MYBPC2: variants seen among roughly 807,000 people sequenced by gnomAD.
The protein encoded by MYBPC2 is myosin binding protein C2.
Under a neutral mutation model 137.0 loss-of-function variants are expected in MYBPC2, and 122 were observed. The ratio of observed to expected loss-of-function variants is 0.89; its 90% CI spans 0.77 to 1.03. MYBPC2 has a LOEUF of 1.03. Ranked by LOEUF, MYBPC2 falls within the 50% of genes least tolerant of loss-of-function variation. MYBPC2 has a pLI of 0.00. For synonymous variants in MYBPC2, 626 were observed against 612.3 expected (o/e 1.02, Z -0.33); for missense variants, 1,500 against 1,534.4 (o/e 0.98, Z 0.37).
Position 50,459,309 on chromosome 19 carries a change from G to A in MYBPC2, c.2791+3G>A, listed in dbSNP as rs187079136. ...CACCATCCGCATCCGCGTTGTGGGT[G>A]CGCGCGCTGGGGAGGGCCCCTGGAG... On this transcript the variant is annotated splice_donor_region_variant and intron_variant, in intron 23 of 27. Transcript: ENST00000357701. 1.6e-5 allele frequency: 25 copies of A among 1,594,900 alleles called. No homozygotes were observed. In the African/African-American group the frequency reaches 2.8e-4, roughly 18 times the overall value.
intron 16 of MYBPC2, among the ~76,000 whole-genome samples, chr19:50,452,508 GTATC>G (rs59342187): frequency 3.8e-3 from 434 of 114,740 alleles, no homozygotes; most frequent in South Asian, 8.1e-3. Context: ...ATGTATGTAT[GTATC>G]TATCTATCTA....
rs747060318 is a variant in MYBPC2, at chr19:50,448,301, G to A, written c.1383G>A (p.Glu461=). 6.8e-6 allele frequency: 11 copies of A among 1,613,906 alleles called. No homozygotes were observed. Among genetic ancestry groups the A allele is most frequent in the Non-Finnish European group, 9.3e-6 (11 of 1,179,820 alleles). The change falls in exon 13 of 28, where the codon GAG becomes GAA. Residue 461 remains glutamate (E), a synonymous_variant. Transcript: ENST00000357701. ...CAGAACAAGCTGTGTTCAAGTGCGA[G>A]GTGTCTGATGAGAAAGTGACGGGCA... The part of the protein sequence containing the change: ...KASEQAVFKC[E]VSDEKVTGKW...
chr19:50,445,683 G>A (rs921369686), intron 11 of MYBPC2, among the ~76,000 whole-genome samples, 197 bp from the exon 12 acceptor site: 8 of 152,064 alleles, frequency 5.3e-5, no homozygotes, highest in East Asian at 1.9e-4. Flanking sequence ...ATGAGCCAGC[G>A]TGCCTGGCCC....
chr19:50,444,606 C>T (rs964249830), intron 11 of MYBPC2, among the ~76,000 whole-genome samples: 4 of 152,076 alleles, frequency 2.6e-5, no homozygotes, highest in African/African-American at 4.8e-5. Context: ...CATGGCCGGG[C>T]GCGGTGGCTC....
Position 50,454,034 on chromosome 19 carries a change from C to T in MYBPC2, c.1764C>T (p.Thr588=), listed in dbSNP as rs200073552. The T allele has an allele frequency of 8.1e-4, 1,306 of 1,602,898 alleles. 3 individuals carry two copies. The African/African-American group carries it at 0.011, about 14-fold the overall frequency. Residue 588 remains threonine, a synonymous_variant, in exon 17 of 28, where the codon ACC becomes ACT. Transcript: ENST00000357701. The stretch of plus-strand genomic sequence containing the variant: ...GCTGCGTTCAGGTATTCACGACCAC[C>T]GAGGGCAGGACCCGCATCGAGAAGC... ...WLKGDEVFTT[T]EGRTRIEKRV...
At position 50,457,372 on chromosome 19, in the gene MYBPC2, C is replaced by T. The variant is rs182199901; in HGVS notation, c.2339-1215C>T. Among the ~76,000 whole-genome samples the T allele has an allele frequency of 8.5e-5, 13 of 152,318 alleles. No homozygotes were observed. In the East Asian group the frequency reaches 2.3e-3, roughly 27 times the overall value. ...CCAGCCCATGGCCATAAACCCAAGA[C>T]AGAAGGGCATGTAACGAAAAGCAGG... is the stretch of plus-strand genomic sequence containing the variant. On this transcript the variant is annotated intron_variant, in intron 20 of 27. Coordinates refer to ENST00000357701, the MANE Select transcript of MYBPC2 (RefSeq NM_004533.4).
Position 50,461,986 on chromosome 19 carries a change from G to A in MYBPC2, c.3178G>A (p.Val1060Met), listed in dbSNP as rs757748294. ...FLTPLIDRVV[V>M]AGYSAALNCA... ...GACACCTCTCATAGACCGCGTGGTC[G>A]TGGCTGGGTACTCGGCAGCCCTCAA... The change falls in exon 26 of 28, where the codon GTG becomes ATG. Residue 1060 changes from valine to methionine, a missense_variant. Val to Met is a conservative substitution (Grantham distance 21). Transcript: ENST00000357701. 29 of 1,577,050 alleles carry A rather than the reference G, an allele frequency of 1.8e-5. No individual in the cohort carries two copies. Among genetic ancestry groups the A allele is most frequent in the African/African-American group, 6.8e-5 (5 of 74,012 alleles).
chr19:50,461,854 G>C, intron 25 of MYBPC2, 46 bp from the exon 26 acceptor site: 1 of 1,581,012 alleles, frequency 6.3e-7, no homozygotes, highest in Non-Finnish European at 8.6e-7. Context: ...TGGTGTCAGG[G>C]GAGAATCTAG....
chr19:50,442,053 G>T, intron 8 of MYBPC2, 128 bp from the exon 9 acceptor site: 2 of 1,198,922 alleles, frequency 1.7e-6, no homozygotes, highest in Admixed American at 5.5e-5. Context: ...TTCATAGGAG[G>T]CCCCCTGACT....
At position 50,454,970 on chromosome 19, in the gene MYBPC2, C is replaced by T. The variant is rs2039894730; in HGVS notation, c.2015-138C>T. 1.6e-5 allele frequency: 11 copies of T among 699,150 alleles called. No homozygotes were observed. The South Asian group carries it at 2.2e-4, about 14-fold the overall frequency. 43.3% of individuals were successfully genotyped at this position (699,150 alleles called of 1,614,324 possible). ...CTGGTGGCCTCTGAATGCTCTGTGG[C>T]CCCTGAGATCCACCTAAGATTCATG... On this transcript the variant is annotated intron_variant, in intron 18 of 27. Transcript: ENST00000357701.
At chr19:50,446,085 C>T in intron 12 of MYBPC2, 33 bp downstream of exon 12, 3 of 1,598,310 alleles carry the variant, frequency 1.9e-6, no homozygotes, top group Non-Finnish European at 2.6e-6. Flanking sequence ...ACGGGCTGCA[C>T]TGCGCATGCT....
At position 50,451,262 on chromosome 19, in the gene MYBPC2, GTCT is replaced by G. The variant is rs2039854374; in HGVS notation, c.1580-13_1580-11del. ...TGCTGAGTTTAGACCTAACTGTCCA[GTCT>G]TCTTTGTCTTGCAGAAATCAAGGTG... is the stretch of plus-strand genomic sequence containing the variant. On this transcript the variant is annotated splice_polypyrimidine_tract_variant and intron_variant, in intron 14 of 27. Coordinates refer to ENST00000357701, the MANE Select transcript of MYBPC2 (RefSeq NM_004533.4). The G allele has an allele frequency of 6.2e-7, 1 of 1,613,696 alleles. No individual in the cohort carries two copies. Among genetic ancestry groups the G allele is most frequent in the Middle Eastern group, 1.6e-4 (1 of 6,062 alleles).
intron 16 of MYBPC2, among the ~76,000 whole-genome samples, chr19:50,452,747 AG>A (rs1338909175): frequency 4.6e-5 from 7 of 152,076 alleles, no homozygotes; most frequent in Admixed American, 2.0e-4. Flanking sequence ...TTGTAGGGAC[AG>A]GGTTTCACCA....
intron 24 of MYBPC2, 103 bp downstream of exon 24, chr19:50,460,282 C>T: frequency 2.1e-6 from 3 of 1,442,502 alleles, no homozygotes; most frequent in Non-Finnish European, 2.8e-6. Context: ...GGCCCAGAGG[C>T]TAGAGGACGG....
intron 9 of MYBPC2, among the ~76,000 whole-genome samples, chr19:50,443,185 A>G (rs1568660493): frequency 5.3e-5 from 8 of 152,128 alleles, no homozygotes; most frequent in Admixed American, 4.6e-4. Flanking sequence ...TTAGCTGGGT[A>G]TGGTGGTGTG....
chr19:50,458,893 C>A (rs377179059), intron 21 of MYBPC2, 25 bp from the exon 22 acceptor site: 14 of 1,603,844 alleles, frequency 8.7e-6, no homozygotes, highest in Non-Finnish European at 1.2e-5. Context: ...CCCGCTGAGC[C>A]CCCTCCCTGT....
chr19:50,451,819 C>T (rs1470445981), intron 15 of MYBPC2, 45 bp from the exon 16 acceptor site: 1 of 1,566,882 alleles, frequency 6.4e-7, no homozygotes, highest in Admixed American at 1.9e-5. Context: ...TGGGAAGGCC[C>T]AGCCTCCCAC....
chr19:50,445,771 G>A (rs560748223), intron 11 of MYBPC2, 109 bp from the exon 12 acceptor site: 102 of 1,122,296 alleles, frequency 9.1e-5, no homozygotes, highest in Non-Finnish European at 8.8e-5. Context: ...TCCTCCCTCC[G>A]GGGACCTGCC....
Position 50,435,839 on chromosome 19 carries a change from C to T in MYBPC2, c.173C>T (p.Pro58Leu), listed in dbSNP as rs372390241. Reference sequence around the variant, plus strand: ...CCCACCGGCGTTTTCCTGAAGAAGCCGGACTCCGTCTCAGTGGAGACTGGT... The same window carrying T: ...CCCACCGGCGTTTTCCTGAAGAAGCTGGACTCCGTCTCAGTGGAGACTGGT... ...EEPTGVFLKK[P>L]DSVSVETGKD... Residue 58 changes from proline (P) to leucine (L), a missense_variant, in exon 3 of 28, where the codon CCG (proline) becomes CTG (leucine). Pro to Leu is a moderately conservative substitution (Grantham distance 98). Transcript: ENST00000357701. The surrounding 1 kb of genome is among the most constrained non-coding windows in gnomAD (Gnocchi z 4.8). 152 of 1,603,160 alleles carry T rather than the reference C, an allele frequency of 9.5e-5. No homozygotes were observed. Among genetic ancestry groups the T allele is most frequent in the Non-Finnish European group, 1.3e-4 (149 of 1,174,764 alleles).
Sources: gnomAD v4.1 joint callset for allele counts (sites outside exome capture counted in the v4.1 genomes callset) on GRCh38, gnomAD v4.1.1 for gene constraint, Gnocchi (gnomAD v3.1) non-coding constraint, MANE v1.5 for transcripts, NCBI Gene and HGNC (gene_info 2026-07-23, HGNC 2026-07-21) for gene names.